The following MYO1D variants were observed in gnomAD, a reference collection of about 807,000 sequenced individuals.
MYO1D encodes unconventional myosin-Id.
MYO1D carries 83 observed loss-of-function variants against 122.0 expected under a neutral mutation model. The ratio of observed to expected loss-of-function variants is 0.68; its 90% CI spans 0.57 to 0.82. The LOEUF is 0.82. Ranked by LOEUF, MYO1D falls within the 40% of genes least tolerant of loss-of-function variation. MYO1D has a pLI of 0.00. For synonymous variants in MYO1D, 464 were observed against 446.9 expected (o/e 1.04, Z -0.48); for missense variants, 1,157 against 1,269.5 (o/e 0.91, Z 1.35).
chr17:32,638,800 A>T lies in MYO1D; in HGVS notation c.2631T>A (p.Ile877=), dbSNP rs759335159. ...TATACAGGTGACGGTCAGTGACAAA[A>T]ATTGCTCTGTCTTCCACCTTACTAA... ...NRFSKVEDRA[I]FVTDRHLYKM... Residue 877 remains isoleucine, a synonymous_variant, in exon 20 of 22, where the codon ATT becomes ATA. Coordinates refer to ENST00000318217, the MANE Select transcript of MYO1D (RefSeq NM_015194.3). 5.0e-6 allele frequency: 8 copies of T among 1,613,784 alleles called. No individual in the cohort carries two copies. The highest frequency in any genetic ancestry group is 1.3e-5 in the African/African-American group (1 of 74,918).
At chr17:32,737,124 T>C (rs1490781084) in intron 14 of MYO1D, among the ~76,000 whole-genome samples, 1 of 152,120 alleles carries the variant, frequency 6.6e-6, no homozygotes, top group African/African-American at 2.4e-5. Context: ...AGGAAGTTGA[T>C]TTTTTAAAAA....
chr17:32,524,307 T>A (rs144202073), intron 21 of MYO1D, among the ~76,000 whole-genome samples: 107 of 152,328 alleles, frequency 7.0e-4, no homozygotes, highest in African/African-American at 2.1e-3. Flanking sequence ...AAAGTCTCAG[T>A]CTCAGTCTTA....
At chr17:32,604,014 T>C (rs1042130578) in intron 21 of MYO1D, among the ~76,000 whole-genome samples, 2 of 152,206 alleles carry the variant, frequency 1.3e-5, no homozygotes, top group African/African-American at 2.4e-5. Context: ...TATTTAAAGA[T>C]CTACTTTGAT....
intron 21 of MYO1D, among the ~76,000 whole-genome samples, chr17:32,552,584 C>T (rs1192341841): frequency 6.6e-6 from 1 of 152,144 alleles, no homozygotes; most frequent in Non-Finnish European, 1.5e-5. Flanking sequence ...CTTCCTCCTT[C>T]TGTCCTTTGC....
At chr17:32,538,179 G>GT (rs534671982) in intron 21 of MYO1D, among the ~76,000 whole-genome samples, 82 of 152,144 alleles carry the variant, frequency 5.4e-4, no homozygotes, top group African/African-American at 1.9e-3. Context: ...GATGATTACA[G>GT]TATTTTGAGT....
At chr17:32,709,917 A>T (rs1398120657) in intron 16 of MYO1D, among the ~76,000 whole-genome samples, 1 of 152,136 alleles carries the variant, frequency 6.6e-6, no homozygotes, top group South Asian at 2.1e-4. Flanking sequence ...TTAACCATGA[A>T]TTCATAGGGC....
intron 20 of MYO1D, among the ~76,000 whole-genome samples, chr17:32,613,821 C>T (rs1178870050): frequency 1.3e-5 from 1 of 78,048 alleles, no homozygotes; most frequent in African/African-American, 4.6e-5. Flanking sequence ...AAAAGAAATA[C>T]CTCAATATAA....
chr17:32,876,830 C>G lies in MYO1D; in HGVS notation c.43G>C (p.Val15Leu). The G allele has an allele frequency of 1.3e-6, 2 of 1,524,204 alleles. No individual in the cohort carries two copies. Among genetic ancestry groups the G allele is most frequent in the Non-Finnish European group, 1.8e-6 (2 of 1,136,334 alleles). 94.4% of individuals were successfully genotyped at this position (1,524,204 alleles called of 1,614,324 possible). Reference protein sequence around the residue: ...ESLEFGKADFVLMDTVSMPEF... With the variant: ...ESLEFGKADFLLMDTVSMPEF... ...GGCATGGAGACGGTGTCCATCAGCACGAAGTCTGCCTTGCCGAATTCCAGG... is the reference window on the plus strand; with the variant it reads ...GGCATGGAGACGGTGTCCATCAGCAGGAAGTCTGCCTTGCCGAATTCCAGG... Residue 15 changes from valine to leucine, a missense_variant, in exon 1 of 22, where the codon GTG (valine) becomes CTG (leucine). Transcript: ENST00000318217.
rs746904768 is a variant in MYO1D, at chr17:32,876,797, T to G, written c.76A>C (p.Met26Leu). 6.6e-7 allele frequency: 1 copy of G among 1,517,738 alleles called. No individual in the cohort carries two copies. Among genetic ancestry groups the G allele is most frequent in the Non-Finnish European group, 8.8e-7 (1 of 1,133,160 alleles). The allele number at this position is 1,517,738 out of a possible 1,614,324, so 94.0% of individuals were successfully genotyped here. ...LMDTVSMPEF[M>L]ANLRLRFEKG... ...CCTCACCTGAGCCTGAGGTTGGCCATGAACTCGGGCATGGAGACGGTGTCC... is the reference window on the plus strand; with the variant it reads ...CCTCACCTGAGCCTGAGGTTGGCCAGGAACTCGGGCATGGAGACGGTGTCC... Residue 26 changes from methionine (M) to leucine (L), a missense_variant, in exon 1 of 22, where the codon ATG (methionine) becomes CTG (leucine). By Grantham distance (15) the Met-to-Leu change is conservative (BLOSUM62 2). Coordinates refer to ENST00000318217, the MANE Select transcript of MYO1D (RefSeq NM_015194.3).
At chr17:32,530,775 TG>T (rs1434476041) in intron 21 of MYO1D, among the ~76,000 whole-genome samples, 2 of 152,200 alleles carry the variant, frequency 1.3e-5, no homozygotes, top group Non-Finnish European at 2.9e-5. Context: ...CACCCCAGCC[TG>T]GGCAACAGAG....
At chr17:32,782,664 A>G (rs2090250797) in intron 1 of MYO1D, among the ~76,000 whole-genome samples, 1 of 152,224 alleles carries the variant, frequency 6.6e-6, no homozygotes, top group Non-Finnish European at 1.5e-5. Flanking sequence ...GGCCAGACGC[A>G]GTGGCTCTTG....
At chr17:32,748,003 A>G (rs1170715591) in intron 12 of MYO1D, among the ~76,000 whole-genome samples, 1 of 152,134 alleles carries the variant, frequency 6.6e-6, no homozygotes, top group African/African-American at 2.4e-5. Flanking sequence ...CTCCAGAGAG[A>G]GTGTGGCCCT....
chr17:32,509,658 G>A (rs923213922), intron 21 of MYO1D, among the ~76,000 whole-genome samples: 4 of 151,740 alleles, frequency 2.6e-5, no homozygotes, highest in Admixed American at 6.6e-5. Flanking sequence ...GATCGATTCC[G>A]GCTCACTGCA....
intron 3 of MYO1D, among the ~76,000 whole-genome samples, chr17:32,776,883 C>A (rs1304395423): frequency 6.6e-6 from 1 of 152,152 alleles, no homozygotes; most frequent in Non-Finnish European, 1.5e-5. Flanking sequence ...TGATAAAATT[C>A]TTCTTATACA....
intron 1 of MYO1D, among the ~76,000 whole-genome samples, chr17:32,832,596 C>T (rs997210578): frequency 8.5e-5 from 13 of 152,138 alleles, no homozygotes; most frequent in African/African-American, 3.1e-4. Flanking sequence ...CTGGGCCCGG[C>T]TCCTAATTAT....
intron 16 of MYO1D, among the ~76,000 whole-genome samples, chr17:32,704,786 T>G (rs1034948545): frequency 2.0e-5 from 3 of 152,016 alleles, no homozygotes; most frequent in African/African-American, 7.3e-5. Context: ...GATTGAGGAA[T>G]CCTATGAAGG....
At chr17:32,521,037 C>A (rs947707940) in intron 21 of MYO1D, among the ~76,000 whole-genome samples, 1 of 152,222 alleles carries the variant, frequency 6.6e-6, no homozygotes, top group Non-Finnish European at 1.5e-5. Flanking sequence ...CACAATGTTT[C>A]CATTGGCTTA....
intron 16 of MYO1D, among the ~76,000 whole-genome samples, chr17:32,677,976 C>G (rs2088847243): frequency 1.3e-5 from 2 of 152,180 alleles, no homozygotes; most frequent in Non-Finnish European, 2.9e-5. Flanking sequence ...AAAACCTAAA[C>G]TCCAGCATAG....
chr17:32,760,456 G>A (rs751616238), intron 9 of MYO1D, 26 bp downstream of exon 9: 20 of 1,607,500 alleles, frequency 1.2e-5, no homozygotes, highest in South Asian at 5.5e-5. Context: ...CAGGCAACAA[G>A]GTTTTAAGTA....
Sources: gnomAD v4.1 joint callset for allele counts (sites outside exome capture counted in the v4.1 genomes callset) on GRCh38, gnomAD v4.1.1 for gene constraint, MANE v1.5 for transcripts, NCBI Gene and HGNC (gene_info 2026-07-23, HGNC 2026-07-21) for gene names.